Variants in PCDHGB6 observed in about 807,000 individuals in gnomAD.
The protein encoded by PCDHGB6 is protocadherin gamma-B6.
PCDHGB6 carries 51 observed loss-of-function variants against 59.1 expected under a neutral mutation model. The ratio of observed to expected loss-of-function variants is 0.86; its 90% CI spans 0.69 to 1.09. PCDHGB6 has a LOEUF of 1.09. Among genes scored for constraint, PCDHGB6 ranks in the 50% least tolerant of loss-of-function variants. PCDHGB6 has a pLI of 0.00. For missense variants in PCDHGB6, 1,148 were observed against 1,205.1 expected (o/e 0.95, Z 0.70); for synonymous variants, 466 against 495.1 (o/e 0.94, Z 0.78).
chr5:141,433,358 C>CCCATCTAT (rs1554125967), intron 1 of PCDHGB6: 6 of 503,934 alleles, frequency 1.2e-5, no homozygotes, highest in Admixed American at 3.6e-5. Context: ...CTACTGTCTG[C>CCCATCTAT]CTATCTATCT....
chr5:141,430,944 G>C (rs1417018095), intron 1 of PCDHGB6: 1 of 1,609,214 alleles, frequency 6.2e-7, no homozygotes, highest in Non-Finnish European at 8.5e-7. Flanking sequence ...CTCGCGGAGC[G>C]CGGAGTCCGC....
Position 141,485,718 on chromosome 5 carries a change from T to A in PCDHGB6, c.2419-9089T>A, listed in dbSNP as rs562192762. ...TCCAATGAACACTTTGCACTGGATG[T>A]GAAGAAGCGCAGCGACGGCAGCCTG... On this transcript the variant is annotated intron_variant, in intron 1 of 3. Coordinates refer to ENST00000520790, the MANE Select transcript of PCDHGB6 (RefSeq NM_018926.3). The surrounding 1 kb of genome is among the most constrained non-coding windows in gnomAD (Gnocchi z 5.7). 1 of 1,614,058 alleles carries A rather than the reference T, an allele frequency of 6.2e-7. No homozygotes were observed. The highest frequency in any genetic ancestry group is 2.2e-5 in the East Asian group (1 of 44,866).
At position 141,487,030 on chromosome 5, in the gene PCDHGB6, T is replaced by C. The variant is rs773121109; in HGVS notation, c.2419-7777T>C. Reference sequence around the variant, plus strand: ...TGGAGGCCCCAGATCCCAGCCTGTTTGCAGTCTCTCGATATGCTGGGGAGG... The same window carrying C: ...TGGAGGCCCCAGATCCCAGCCTGTTCGCAGTCTCTCGATATGCTGGGGAGG... On this transcript the variant is annotated intron_variant, in intron 1 of 3. Coordinates refer to ENST00000520790, the MANE Select transcript of PCDHGB6 (RefSeq NM_018926.3). The surrounding 1 kb of genome is among the most constrained non-coding windows in gnomAD (Gnocchi z 5.0). 12 of 1,614,100 alleles carry C rather than the reference T, an allele frequency of 7.4e-6. No homozygotes were observed. Among genetic ancestry groups the C allele is most frequent in the Non-Finnish European group, 1.0e-5 (12 of 1,180,044 alleles).
At chr5:141,427,997 A>C (rs1471083920) in intron 1 of PCDHGB6, 2 of 1,600,232 alleles carry the variant, frequency 1.2e-6, no homozygotes, top group African/African-American at 2.7e-5. Flanking sequence ...ATGGCTCCGC[A>C]CTCTTCGATA....
chr5:141,506,935 G>A (rs1375246477), intron 3 of PCDHGB6, among the ~76,000 whole-genome samples: 3 of 152,116 alleles, frequency 2.0e-5, no homozygotes, highest in African/African-American at 7.2e-5. Context: ...AACTTTAGGG[G>A]CCTCCTGTCA....
rs1423427104 is a variant in PCDHGB6, at chr5:141,417,737, C to T, written c.2418+7117C>T. 5 of 1,407,068 alleles carry T rather than the reference C, an allele frequency of 3.6e-6. No homozygotes were observed. In the African/African-American group the frequency reaches 7.2e-5, roughly 20 times the overall value. 87.2% of individuals were successfully genotyped at this position (1,407,068 alleles called of 1,614,324 possible). ...CCGGCTGCGCAGACCTTGCCCAGCA[C>T]ACCAGATTGCCAGCTCCGAGACCCG... is the stretch of plus-strand genomic sequence containing the variant. On this transcript the variant is annotated intron_variant, in intron 1 of 3. Transcript: ENST00000520790.
rs1289890545 is a variant in PCDHGB6, at chr5:141,414,874, C to T, written c.2418+4254C>T. ...CCAGAACGACAATGCGCCCGAGATC[C>T]TGTACCCCGCCCTCCCCACAGACGG... is the stretch of plus-strand genomic sequence containing the variant. On this transcript the variant is annotated intron_variant, in intron 1 of 3. Transcript: ENST00000520790. 3.7e-6 allele frequency: 6 copies of T among 1,614,136 alleles called. No individual in the cohort carries two copies. The African/African-American group carries it at 8.0e-5, about 22-fold the overall frequency.
rs1206206519 is a variant in PCDHGB6 at position 141,432,127 on chromosome 5, C to G, written c.2418+21507C>G. ...ACCCGCCGGTCTTCCCTCAGGCCTC[C>G]TATTCCGCTTATATCCCAGAGAACA... On this transcript the variant is annotated intron_variant, in intron 1 of 3. Coordinates refer to ENST00000520790, the MANE Select transcript of PCDHGB6 (RefSeq NM_018926.3). The surrounding 1 kb of genome is among the most constrained non-coding windows in gnomAD (Gnocchi z 6.0). The G allele has an allele frequency of 6.8e-6, 11 of 1,614,160 alleles. No homozygotes were observed. The highest frequency in any genetic ancestry group is 8.5e-6 in the Non-Finnish European group (10 of 1,180,032).
chr5:141,413,739 C>A (rs748041372), intron 1 of PCDHGB6: 1 of 1,613,424 alleles, frequency 6.2e-7, no homozygotes, highest in South Asian at 1.1e-5. Context: ...GAGTTCAGAG[C>A]CGTGCCAATG....
At chr5:141,423,632 T>G in intron 1 of PCDHGB6, 1 of 1,602,602 alleles carries the variant, frequency 6.2e-7, no homozygotes, top group Non-Finnish European at 8.5e-7. Flanking sequence ...GCTATCATTT[T>G]AGGCAAATGT....
At chr5:141,423,248 C>A in intron 1 of PCDHGB6, 1 of 1,613,888 alleles carries the variant, frequency 6.2e-7, no homozygotes, top group Non-Finnish European at 8.5e-7. Context: ...GAAGTCCTGG[C>A]GGACCTCGGC....
In PCDHGB6 at chr5:141,409,452, A is replaced by T; in HGVS notation, c.1250A>T (p.Glu417Val). 1 of 1,613,990 alleles carries T rather than the reference A, an allele frequency of 6.2e-7. No homozygotes were observed. Among genetic ancestry groups the T allele is most frequent in the Non-Finnish European group, 8.5e-7 (1 of 1,179,888 alleles). Residue 417 changes from glutamate to valine, a missense_variant, in exon 1 of 4, where the codon GAA (glutamate) becomes GTA (valine). Transcript: ENST00000520790. ...GCCCTGGACCGAGAGCAGACACCAG[A>T]ATACAATGTCACCATCGTAGCCACT... is the stretch of plus-strand genomic sequence containing the variant. ...DGALDREQTP[E>V]YNVTIVATDR... is the part of the protein sequence containing the mutation.
At chr5:141,458,870 C>G (rs540373442) in intron 1 of PCDHGB6, among the ~76,000 whole-genome samples, 1 of 152,264 alleles carries the variant, frequency 6.6e-6, no homozygotes, top group South Asian at 2.1e-4. Flanking sequence ...GTAGCTGGGA[C>G]TACAGGCATG....
chr5:141,415,843 G>T (rs1022622333), intron 1 of PCDHGB6: 36 of 1,251,418 alleles, frequency 2.9e-5, no homozygotes, highest in Non-Finnish European at 3.6e-5. Flanking sequence ...GATTAGCTTT[G>T]CAGAACCTTG....
At chr5:141,465,184 A>G (rs866520508) in intron 1 of PCDHGB6, among the ~76,000 whole-genome samples, 2 of 152,130 alleles carry the variant, frequency 1.3e-5, no homozygotes, top group Admixed American at 6.5e-5. Flanking sequence ...ATTTAATTAA[A>G]AGATAAAAAT....
At chr5:141,429,597 G>A (rs937301997) in intron 1 of PCDHGB6, among the ~76,000 whole-genome samples, 2 of 152,094 alleles carry the variant, frequency 1.3e-5, no homozygotes, top group Non-Finnish European at 2.9e-5. Flanking sequence ...TGTAATTCAA[G>A]TAAACTCAAT....
chr5:141,421,829 T>C, intron 1 of PCDHGB6: 1 of 1,613,784 alleles, frequency 6.2e-7, no homozygotes, highest in Non-Finnish European at 8.5e-7. Flanking sequence ...GAGGGAAGCC[T>C]GGACCGAGAG....
rs767577725 is a variant in PCDHGB6 at position 141,485,642 on chromosome 5, G to T, written c.2419-9165G>T. 4.3e-6 allele frequency: 7 copies of T among 1,612,162 alleles called. No homozygotes were observed. The highest frequency in any genetic ancestry group is 1.7e-5 in the Admixed American group (1 of 59,938). ...AGGACAGCGTTTCCCGTTGGAAAAGGCTCAGGATGCAGATGTGGGGAGCAA... is the reference window on the plus strand; with the variant it reads ...AGGACAGCGTTTCCCGTTGGAAAAGTCTCAGGATGCAGATGTGGGGAGCAA... On this transcript the variant is annotated intron_variant, in intron 1 of 3. Coordinates refer to ENST00000520790, the MANE Select transcript of PCDHGB6 (RefSeq NM_018926.3). This position sits in a 1 kb window ranked among gnomAD's most constrained non-coding sequence, Gnocchi z 5.7.
At chr5:141,455,552 G>T (rs897699654) in intron 1 of PCDHGB6, among the ~76,000 whole-genome samples, 1 of 152,144 alleles carries the variant, frequency 6.6e-6, no homozygotes, top group African/African-American at 2.4e-5. Flanking sequence ...CGTAGCCCGA[G>T]AAAAAGCTGG....
Sources: gnomAD v4.1 joint callset for allele counts (sites outside exome capture counted in the v4.1 genomes callset) on GRCh38, gnomAD v4.1.1 for gene constraint, Gnocchi (gnomAD v3.1) non-coding constraint, MANE v1.5 for transcripts, NCBI Gene and HGNC (gene_info 2026-07-23, HGNC 2026-07-21) for gene names.